Variants in AHI1 observed in about 807,000 individuals in gnomAD.
AHI1 encodes Abelson helper integration site 1, also known as jouberin.
In AHI1, 123 loss-of-function variants were observed where a neutral mutation model predicts 149.3. The observed-to-expected ratio is 0.82, with a 90% confidence interval of 0.71 to 0.96. The LOEUF (loss-of-function observed/expected upper bound fraction) is 0.96. AHI1 is among the 40% of genes least tolerant of loss of function. AHI1 has a pLI of 0.00. For missense variants in AHI1, 1,439 were observed against 1,422.7 expected, an observed-to-expected ratio of 1.01 and a Z score of -0.18; for synonymous variants, 475 against 459.8, an observed-to-expected ratio of 1.03 and a Z score of -0.42.
intron 26 of AHI1, among the ~76,000 whole-genome samples, chr6:135,309,182 T>G (rs1784859383): frequency 6.6e-6 from 1 of 152,200 alleles, no homozygotes. Flanking sequence ...TTGAGATTCC[T>G]CTGCGTAGGT....
chr6:135,299,046 A>T (rs1015876597), intron 27 of AHI1, among the ~76,000 whole-genome samples: 2 of 152,090 alleles, frequency 1.3e-5, no homozygotes, highest in Non-Finnish European at 2.9e-5. Context: ...GTTGTTGAGT[A>T]TACGCTCCTT....
Position 135,394,751 on chromosome 6 carries a change from T to C in AHI1, c.3109+25A>G, listed in dbSNP as rs376172774. On this transcript the variant is annotated intron_variant, in intron 23 of 28. Transcript: ENST00000265602. ...ACAAGCATCTGAACATTTAAAAGAA[T>C]TGTCAAAGTAAGAAAGGGGCTCACC... 1.2e-4 allele frequency: 199 copies of C among 1,608,352 alleles called. 1 individual carries two copies. The highest frequency in any genetic ancestry group is 2.0e-4 in the South Asian group (18 of 89,998).
intron 24 of AHI1, among the ~76,000 whole-genome samples, chr6:135,348,090 C>G (rs1264797308): frequency 6.6e-6 from 1 of 152,140 alleles, no homozygotes; most frequent in African/African-American, 2.4e-5. Flanking sequence ...AAAGACTAAT[C>G]TCACTGCTGG....
chr6:135,405,859 CAA>C (rs543403253), intron 21 of AHI1, among the ~76,000 whole-genome samples: 7 of 29,426 alleles, frequency 2.4e-4, no homozygotes, highest in Admixed American at 3.3e-4. Flanking sequence ...GACTCCAACT[CAA>C]AAAAAAAAAA....
intron 26 of AHI1, among the ~76,000 whole-genome samples, chr6:135,306,129 T>A (rs1428194848): frequency 2.0e-5 from 3 of 152,212 alleles, no homozygotes; most frequent in African/African-American, 7.2e-5. Flanking sequence ...ATCCAGACTG[T>A]CTTCTACTAC....
Position 135,428,765 on chromosome 6 carries a change from A to G in AHI1, c.2493-6T>C. ...CAAACTTCCTTGCTACTAATCTACA[A>G]GCAAAAAAGATTTTACAAATGTAAC... On this transcript the variant is annotated splice_region_variant and splice_polypyrimidine_tract_variant and intron_variant, in intron 18 of 28. Coordinates refer to ENST00000265602, the MANE Select transcript of AHI1 (RefSeq NM_001134831.2). 1 of 1,593,780 alleles carries G rather than the reference A, an allele frequency of 6.3e-7. No homozygotes were observed. Among genetic ancestry groups the G allele is most frequent in the South Asian group, 1.1e-5 (1 of 87,592 alleles).
At position 135,472,018 on chromosome 6, in the gene AHI1, CAAAAAAAAAAAAAAAAAA is replaced by C. The variant is rs541390652; in HGVS notation, c.136-4402_136-4385del. Among the ~76,000 whole-genome samples the C allele has an allele frequency of 1.4e-3, 78 of 54,420 alleles. 1 individual carries two copies. Among genetic ancestry groups the C allele is most frequent in the Admixed American group, 9.6e-4 (3 of 3,136 alleles). 35.7% of individuals were successfully genotyped at this position (54,420 alleles called of 152,430 possible). On this transcript the variant is annotated intron_variant, in intron 5 of 28. Transcript: ENST00000265602. ...TGGGCGACAGAGCGAGACTCCGTCTCAAAAAAAAAAAAAAAAAAAAAAAAAAAAAAAGATATAGCTTAC... is the reference window on the plus strand; with the variant it reads ...TGGGCGACAGAGCGAGACTCCGTCTCAAAAAAAAAAAAAGATATAGCTTAC...
intron 28 of AHI1, among the ~76,000 whole-genome samples, 170 bp downstream of exon 28, chr6:135,290,253 A>G (rs1315774462): frequency 2.6e-5 from 4 of 152,144 alleles, no homozygotes; most frequent in Non-Finnish European, 5.9e-5. Flanking sequence ...TTCTCCATCA[A>G]AACTATCTTC....
intron 24 of AHI1, among the ~76,000 whole-genome samples, chr6:135,334,670 A>G (rs1789102582): frequency 6.6e-6 from 1 of 152,226 alleles, no homozygotes; most frequent in South Asian, 2.1e-4. Flanking sequence ...AAATCAAGAG[A>G]ATTCTGCAGA....
chr6:135,430,428 G>A (rs1017210820), intron 17 of AHI1, among the ~76,000 whole-genome samples: 2 of 151,728 alleles, frequency 1.3e-5, no homozygotes, highest in African/African-American at 4.8e-5. Context: ...ACAACAGAAT[G>A]AACTGCTTTT....
At chr6:135,390,293 C>T (rs1446476471) in intron 23 of AHI1, among the ~76,000 whole-genome samples, 1 of 152,110 alleles carries the variant, frequency 6.6e-6, no homozygotes, top group Non-Finnish European at 1.5e-5. Flanking sequence ...AATTGACAAA[C>T]ATAATTATAT....
At chr6:135,304,718 T>G (rs1583600820) in intron 26 of AHI1, among the ~76,000 whole-genome samples, 1 of 152,002 alleles carries the variant, frequency 6.6e-6, no homozygotes, top group African/African-American at 2.4e-5. Flanking sequence ...TTGCAGTGAG[T>G]CAAGATTGTG....
chr6:135,290,719 C>T (rs1170960002), intron 27 of AHI1, among the ~76,000 whole-genome samples, 194 bp from the exon 28 acceptor site: 6 of 152,116 alleles, frequency 3.9e-5, no homozygotes, highest in Admixed American at 2.6e-4. Context: ...CTTAAAATAA[C>T]GTTAACAGAC....
At chr6:135,297,700 T>C (rs1227979103) in intron 27 of AHI1, among the ~76,000 whole-genome samples, 1 of 151,472 alleles carries the variant, frequency 6.6e-6, no homozygotes, top group Admixed American at 6.6e-5. Flanking sequence ...GGATGAGGAT[T>C]AAAAAAAGGC....
intron 26 of AHI1, among the ~76,000 whole-genome samples, chr6:135,303,448 A>C (rs1020321979): frequency 6.6e-6 from 1 of 152,178 alleles, no homozygotes; most frequent in Non-Finnish European, 1.5e-5. Flanking sequence ...TTTTAAAAAA[A>C]GGATGTGAGA....
Position 135,457,720 on chromosome 6 carries a change from G to A in AHI1, c.932-7C>T, listed in dbSNP as rs773551361. 3.1e-6 allele frequency: 5 copies of A among 1,607,726 alleles called. No individual in the cohort carries two copies. Among genetic ancestry groups the A allele is most frequent in the East Asian group, 2.2e-5 (1 of 44,830 alleles). On this transcript the variant is annotated splice_polypyrimidine_tract_variant and splice_region_variant and intron_variant, in intron 8 of 28. Transcript: ENST00000265602. ...TCTTCATTATTATCTGCAACTACACGCATGGAAAAAAAAATCAATGTTATA... is the reference window on the plus strand; with the variant it reads ...TCTTCATTATTATCTGCAACTACACACATGGAAAAAAAAATCAATGTTATA...
In AHI1 at chr6:135,307,378, G is replaced by A. The variant is rs147845773; in HGVS notation, c.3427-6820C>T. Among the ~76,000 whole-genome samples, 21 of 152,242 alleles carry A rather than the reference G, an allele frequency of 1.4e-4. 1 individual carries two copies. The East Asian group carries it at 3.5e-3, about 25-fold the overall frequency. On this transcript the variant is annotated intron_variant, in intron 26 of 28. Transcript: ENST00000265602. ...ATAGTTTATGAAAAGATTAGCGTAT[G>A]TTTAACTTCTGAAACAAAGGAAATT...
chr6:135,420,154 T>C (rs527252635), intron 20 of AHI1, among the ~76,000 whole-genome samples: 5 of 152,212 alleles, frequency 3.3e-5, no homozygotes, highest in African/African-American at 7.2e-5. Context: ...GAGTCATCCA[T>C]GGGGGTTGGA....
At chr6:135,460,216 G>A (rs1331777333) in intron 8 of AHI1, among the ~76,000 whole-genome samples, 2 of 152,038 alleles carry the variant, frequency 1.3e-5, no homozygotes, top group Non-Finnish European at 2.9e-5. Context: ...CTTGCAATAA[G>A]TGAATTTAGC....
Sources: gnomAD v4.1 joint callset for allele counts (sites outside exome capture counted in the v4.1 genomes callset) on GRCh38, gnomAD v4.1.1 for gene constraint, MANE v1.5 for transcripts, NCBI Gene and HGNC (gene_info 2026-07-23, HGNC 2026-07-21) for gene names.